CDH13: variants seen among roughly 807,000 people sequenced by gnomAD.
CDH13 encodes the protein cadherin 13, also known as cadherin-13.
Under a neutral mutation model 63.8 loss-of-function variants are expected in CDH13, and 24 were observed. That is an observed-to-expected ratio of 0.38 (90% CI 0.27 to 0.53). The LOEUF is 0.53. Ranked by LOEUF, CDH13 falls within the 20% of genes least tolerant of loss-of-function variation. The probability of loss-of-function intolerance (pLI) is 0.85; values close to 1 mark genes in which losing one functional copy is unlikely to be tolerated. For missense variants in CDH13, 1,049 were observed against 903.1 expected (o/e 1.16, Z -2.07); for synonymous variants, 503 against 355.3 (o/e 1.42, Z -4.67).
At chr16:82,714,351 G>T (rs1396957914) in intron 1 of CDH13, among the ~76,000 whole-genome samples, 1 of 152,166 alleles carries the variant, frequency 6.6e-6, no homozygotes, top group Non-Finnish European at 1.5e-5. Flanking sequence ...CAGGGTCTTT[G>T]CAGATAATCA....
chr16:83,729,873 A>G (rs1910846585), intron 10 of CDH13, among the ~76,000 whole-genome samples: 1 of 152,194 alleles, frequency 6.6e-6, no homozygotes, highest in Non-Finnish European at 1.5e-5. Context: ...ATTGTATGTC[A>G]AGCCCTGTGA....
At chr16:82,811,282 A>G (rs903226379) in intron 1 of CDH13, among the ~76,000 whole-genome samples, 17 of 152,184 alleles carry the variant, frequency 1.1e-4, no homozygotes, top group Non-Finnish European at 2.4e-4. Flanking sequence ...AAAACATTAC[A>G]GATCAGGACT....
At chr16:82,630,544 T>A (rs1907882408) in intron 1 of CDH13, among the ~76,000 whole-genome samples, 1 of 152,202 alleles carries the variant, frequency 6.6e-6, no homozygotes, top group African/African-American at 2.4e-5. Flanking sequence ...AAGTATCCTC[T>A]ATGTGTTATA....
intron 4 of CDH13, among the ~76,000 whole-genome samples, chr16:83,152,611 G>A (rs920561247): frequency 3.3e-5 from 5 of 152,114 alleles, no homozygotes; most frequent in African/African-American, 1.2e-4. Flanking sequence ...TCCAATCTGG[G>A]ACAGGTTTCA....
chr16:83,758,957 T>G (rs1913733266), intron 11 of CDH13, among the ~76,000 whole-genome samples: 1 of 152,208 alleles, frequency 6.6e-6, no homozygotes, highest in African/African-American at 2.4e-5. Flanking sequence ...AAATGACAAT[T>G]CTTTTCAAAC....
chr16:83,015,357 A>G (rs574247514), intron 2 of CDH13, among the ~76,000 whole-genome samples: 14 of 152,074 alleles, frequency 9.2e-5, no homozygotes, highest in East Asian at 1.9e-4. Flanking sequence ...GATCAATAGA[A>G]TGACCAAATC....
At chr16:82,915,977 C>T (rs1317488680) in intron 2 of CDH13, among the ~76,000 whole-genome samples, 1 of 151,836 alleles carries the variant, frequency 6.6e-6, no homozygotes, top group Non-Finnish European at 1.5e-5. Flanking sequence ...GTGTTCAAAG[C>T]ATGTCTGAGC....
chr16:83,785,030 A>G (rs1915785867), intron 13 of CDH13, among the ~76,000 whole-genome samples: 1 of 152,200 alleles, frequency 6.6e-6, no homozygotes, highest in Admixed American at 6.5e-5. Flanking sequence ...ACAATTTCAG[A>G]TGAAGGGTTA....
chr16:83,145,619 A>AT (rs200008678), intron 4 of CDH13, among the ~76,000 whole-genome samples: 1 of 152,088 alleles, frequency 6.6e-6, no homozygotes, highest in African/African-American at 2.4e-5. Flanking sequence ...CACTTGTTTC[A>AT]TTTTTTCTTT....
At chr16:82,987,686 C>G (rs1242467820) in intron 2 of CDH13, among the ~76,000 whole-genome samples, 19 of 151,998 alleles carry the variant, frequency 1.3e-4, no homozygotes, top group Admixed American at 1.2e-3. Flanking sequence ...CATGAATCAG[C>G]CAGTTTTAAA....
At chr16:83,220,343 A>G (rs185516422) in intron 5 of CDH13, among the ~76,000 whole-genome samples, 1 of 152,326 alleles carries the variant, frequency 6.6e-6, no homozygotes, top group Non-Finnish European at 1.5e-5. Context: ...ATTTCCGTTC[A>G]TTCCAAGTGC....
At chr16:82,845,217 A>G (rs1300876366) in intron 1 of CDH13, among the ~76,000 whole-genome samples, 1 of 152,192 alleles carries the variant, frequency 6.6e-6, no homozygotes, top group Non-Finnish European at 1.5e-5. Context: ...CGAGAGGCAC[A>G]GGGAATGACT....
At chr16:82,941,191 C>G (rs1005166077) in intron 2 of CDH13, among the ~76,000 whole-genome samples, 38 of 152,164 alleles carry the variant, frequency 2.5e-4, no homozygotes, top group Non-Finnish European at 5.9e-5. Context: ...TTTATTCATT[C>G]ATTAACCATT....
At chr16:83,044,955 G>A (rs1917643933) in intron 3 of CDH13, among the ~76,000 whole-genome samples, 1 of 152,180 alleles carries the variant, frequency 6.6e-6, no homozygotes, top group East Asian at 1.9e-4. Flanking sequence ...TCTCTGATAT[G>A]CTTCTACCCT....
intron 10 of CDH13, among the ~76,000 whole-genome samples, chr16:83,716,421 G>A (rs1020931819): frequency 1.3e-5 from 2 of 152,084 alleles, no homozygotes; most frequent in Non-Finnish European, 2.9e-5. Flanking sequence ...TGCTCCACCC[G>A]TACATCCCTC....
intron 2 of CDH13, among the ~76,000 whole-genome samples, chr16:82,917,706 GT>G (rs1328216974): frequency 6.6e-6 from 1 of 152,076 alleles, no homozygotes; most frequent in Non-Finnish European, 1.5e-5. Flanking sequence ...GAGGTCAGGA[GT>G]TTAAGACCAG....
chr16:82,788,129 A>G (rs1410474486), intron 1 of CDH13, among the ~76,000 whole-genome samples: 1 of 152,202 alleles, frequency 6.6e-6, no homozygotes, highest in Non-Finnish European at 1.5e-5. Flanking sequence ...TGTGTGTCCA[A>G]GAAACTAGTA....
intron 2 of CDH13, among the ~76,000 whole-genome samples, chr16:82,950,269 C>T (rs1023420259): frequency 5.9e-5 from 9 of 152,112 alleles, no homozygotes; most frequent in African/African-American, 1.9e-4. Flanking sequence ...CCAATCTCAA[C>T]CTTCCCTTTG....
intron 1 of CDH13, among the ~76,000 whole-genome samples, chr16:82,804,965 C>T (rs1855684464): frequency 6.6e-6 from 1 of 152,152 alleles, no homozygotes; most frequent in South Asian, 2.1e-4. Flanking sequence ...TAGTTATCTA[C>T]TTAGCAGATG....
Sources: gnomAD v4.1 joint callset for allele counts (sites outside exome capture counted in the v4.1 genomes callset) on GRCh38, gnomAD v4.1.1 for gene constraint, MANE v1.5 for transcripts, NCBI Gene and HGNC (gene_info 2026-07-23, HGNC 2026-07-21) for gene names.